The following ANKS1B variants were observed in gnomAD, a reference collection of about 807,000 sequenced individuals.
ANKS1B encodes ankyrin repeat and sterile alpha motif domain containing 1B.
ANKS1B carries 36 observed loss-of-function variants against 148.3 expected under a neutral mutation model. The ratio of observed to expected loss-of-function variants is 0.24; its 90% CI spans 0.19 to 0.32. The LOEUF is 0.32. ANKS1B is among the 10% of genes least tolerant of loss of function. The pLI, the probability that ANKS1B is intolerant of heterozygous loss-of-function variation, is 1.00. For synonymous variants in ANKS1B, 542 were observed against 560.8 expected, an observed-to-expected ratio of 0.97 and a Z score of 0.47; for missense variants, 1,157 against 1,542.6, an observed-to-expected ratio of 0.75 and a Z score of 4.19.
At chr12:99,234,134 T>A (rs2087395879) in intron 14 of ANKS1B, among the ~76,000 whole-genome samples, 1 of 152,110 alleles carries the variant, frequency 6.6e-6, no homozygotes, top group African/African-American at 2.4e-5. Flanking sequence ...TGACTTAGTA[T>A]CCTCCCAAAG....
At chr12:99,565,530 G>A (rs1463449276) in intron 9 of ANKS1B, among the ~76,000 whole-genome samples, 1 of 152,160 alleles carries the variant, frequency 6.6e-6, no homozygotes, top group Non-Finnish European at 1.5e-5. Flanking sequence ...GAGTAAATGG[G>A]AGTTTCTTGA....
chr12:98,980,293 C>A (rs1030247812), intron 17 of ANKS1B, among the ~76,000 whole-genome samples: 37 of 152,176 alleles, frequency 2.4e-4, no homozygotes, highest in African/African-American at 8.2e-4. Context: ...CTCCGCCTCC[C>A]AGGTACCCGC....
chr12:99,662,457 A>T (rs1190033882), intron 8 of ANKS1B, among the ~76,000 whole-genome samples: 1 of 152,224 alleles, frequency 6.6e-6, no homozygotes, highest in East Asian at 1.9e-4. Context: ...TAGTACATTG[A>T]ATAACAGTTT....
intron 19 of ANKS1B, among the ~76,000 whole-genome samples, chr12:98,810,831 A>T (rs1322127735): frequency 6.6e-6 from 1 of 152,166 alleles, no homozygotes; most frequent in East Asian, 1.9e-4. Context: ...ATCCAAACTC[A>T]TATCTGATTC....
chr12:99,936,302 T>C lies in ANKS1B; in HGVS notation c.134+47802A>G, dbSNP rs114664821. ...CAAAAGCTAAGCCAAAATTAAATAG[T>C]TTTCCATCCTATATTTCTGTCTCCA... On this transcript the variant is annotated intron_variant, in intron 1 of 26. Coordinates refer to ENST00000683438, the MANE Select transcript of ANKS1B (RefSeq NM_001352186.2). Among the ~76,000 whole-genome samples, 1,324 of 152,242 alleles carry C rather than the reference T, an allele frequency of 8.7e-3. 24 individuals are homozygous for C. The highest frequency in any genetic ancestry group is 0.03 in the African/African-American group (1,258 of 41,534).
chr12:99,122,572 G>T (rs1315671899), intron 15 of ANKS1B, among the ~76,000 whole-genome samples: 1 of 152,112 alleles, frequency 6.6e-6, no homozygotes, highest in Non-Finnish European at 1.5e-5. Context: ...GTGTATGCAA[G>T]GTAAATAACT....
intron 9 of ANKS1B, among the ~76,000 whole-genome samples, chr12:99,588,689 T>C (rs1422209224): frequency 1.3e-5 from 2 of 152,146 alleles, no homozygotes; most frequent in East Asian, 3.9e-4. Context: ...GTACAATTTA[T>C]ACTGAATTTT....
At chr12:99,086,488 G>A (rs1263106026) in intron 15 of ANKS1B, among the ~76,000 whole-genome samples, 3 of 152,224 alleles carry the variant, frequency 2.0e-5, no homozygotes, top group Non-Finnish European at 4.4e-5. Flanking sequence ...GGGTAGCCAT[G>A]GACAGCTTTT....
intron 15 of ANKS1B, among the ~76,000 whole-genome samples, chr12:99,088,132 T>C (rs112248637): frequency 2.0e-5 from 3 of 152,288 alleles, no homozygotes; most frequent in African/African-American, 4.8e-5. Context: ...ATGGCACTAA[T>C]TGGGAAATGG....
chr12:99,501,311 T>C (rs1168034835), intron 10 of ANKS1B, among the ~76,000 whole-genome samples: 1 of 152,190 alleles, frequency 6.6e-6, no homozygotes, highest in Non-Finnish European at 1.5e-5. Flanking sequence ...TTAGAAACTG[T>C]TAATTTTAAT....
At chr12:99,438,496 T>C (rs887220890) in intron 11 of ANKS1B, among the ~76,000 whole-genome samples, 5 of 151,824 alleles carry the variant, frequency 3.3e-5, no homozygotes, top group Non-Finnish European at 7.4e-5. Flanking sequence ...AAAATAAACA[T>C]CTGTTCAATT....
At chr12:99,627,174 T>C (rs2098118656) in intron 9 of ANKS1B, among the ~76,000 whole-genome samples, 2 of 152,152 alleles carry the variant, frequency 1.3e-5, no homozygotes, top group African/African-American at 2.4e-5. Context: ...AACTATAAAA[T>C]AGAACTATTT....
intron 15 of ANKS1B, among the ~76,000 whole-genome samples, chr12:99,132,080 C>T (rs2066282373): frequency 6.6e-6 from 1 of 152,186 alleles, no homozygotes. Flanking sequence ...CCCCTCCTTC[C>T]AGCACCGCCT....
chr12:99,451,833 T>C (rs537077177), intron 10 of ANKS1B, among the ~76,000 whole-genome samples: 1 of 151,802 alleles, frequency 6.6e-6, no homozygotes, highest in African/African-American at 2.4e-5. Flanking sequence ...ATACATTGCC[T>C]GACACATAGT....
chr12:99,532,636 A>T (rs1481682066), intron 9 of ANKS1B, among the ~76,000 whole-genome samples: 1 of 152,154 alleles, frequency 6.6e-6, no homozygotes, highest in Non-Finnish European at 1.5e-5. Flanking sequence ...CTGGGATTAC[A>T]GGCGTGAGCC....
At chr12:98,918,951 A>G (rs1176957222) in intron 17 of ANKS1B, among the ~76,000 whole-genome samples, 1 of 152,230 alleles carries the variant, frequency 6.6e-6, no homozygotes, top group African/African-American at 2.4e-5. Flanking sequence ...TTATATAACA[A>G]GACCAATACT....
intron 15 of ANKS1B, among the ~76,000 whole-genome samples, chr12:99,144,016 G>A (rs2072011749): frequency 6.6e-6 from 1 of 152,046 alleles, no homozygotes; most frequent in South Asian, 2.1e-4. Context: ...TTTTGCCCTT[G>A]TAAAACTGGA....
chr12:99,927,214 T>TTA (rs1023153455), intron 1 of ANKS1B, among the ~76,000 whole-genome samples: 79 of 152,166 alleles, frequency 5.2e-4, no homozygotes, highest in Non-Finnish European at 1.0e-3. Flanking sequence ...TACCTGAAGC[T>TTA]TAGCCTCACC....
chr12:99,376,920 T>C lies in ANKS1B; in HGVS notation c.1756+22711A>G, dbSNP rs891574210. 7.9e-5 allele frequency among the ~76,000 whole-genome samples: 12 copies of C among 152,180 alleles called. No individual in the cohort carries two copies. The South Asian group carries it at 1.5e-3, about 18-fold the overall frequency. On this transcript the variant is annotated intron_variant, in intron 12 of 26. Transcript: ENST00000683438. ...TTGGATTGATTAAATCATGGATACA[T>C]TGATTGTTTTAATGAAAAAAGTTTA...
Sources: gnomAD v4.1 joint callset for allele counts (sites outside exome capture counted in the v4.1 genomes callset) on GRCh38, gnomAD v4.1.1 for gene constraint, MANE v1.5 for transcripts, NCBI Gene and HGNC (gene_info 2026-07-23, HGNC 2026-07-21) for gene names.